Variants in FSTL5 observed in about 807,000 individuals in gnomAD.
FSTL5 encodes the protein follistatin-related protein 5.
Under a neutral mutation model 89.1 loss-of-function variants are expected in FSTL5, and 62 were observed. The ratio of observed to expected loss-of-function variants is 0.70; its 90% CI spans 0.57 to 0.86. The LOEUF (loss-of-function observed/expected upper bound fraction) is 0.86, where lower values mean the gene tolerates loss of function less well. FSTL5 is among the 40% of genes least tolerant of loss of function. FSTL5 has a pLI of 0.00. For missense variants in FSTL5, 1,057 were observed against 1,001.6 expected, an observed-to-expected ratio of 1.06 and a Z score of -0.75; for synonymous variants, 383 against 346.2, an observed-to-expected ratio of 1.11 and a Z score of -1.18.
chr4:161,926,938 T>C (rs558568129), intron 3 of FSTL5, among the ~76,000 whole-genome samples: 2 of 151,982 alleles, frequency 1.3e-5, no homozygotes, highest in South Asian at 4.1e-4. Flanking sequence ...ATAAATAGAT[T>C]GGTAGATACA....
intron 15 of FSTL5, among the ~76,000 whole-genome samples, chr4:161,423,182 T>C (rs1370032683): frequency 1.3e-5 from 2 of 152,228 alleles, no homozygotes; most frequent in Non-Finnish European, 2.9e-5. Context: ...ATTTCCCTCA[T>C]ATGGAAAGTT....
intron 4 of FSTL5, among the ~76,000 whole-genome samples, chr4:161,866,373 A>G (rs1234871853): frequency 2.0e-5 from 3 of 151,754 alleles, no homozygotes; most frequent in Admixed American, 2.0e-4. Flanking sequence ...TAGAACTTGT[A>G]TGCCTGCTGA....
chr4:161,892,489 T>C (rs1733019019), intron 4 of FSTL5, among the ~76,000 whole-genome samples: 1 of 140,000 alleles, frequency 7.1e-6, no homozygotes, highest in Non-Finnish European at 1.6e-5. Flanking sequence ...CAAAGTTCTT[T>C]GCAAAAGACA....
At chr4:161,721,386 T>C (rs182775324) in intron 6 of FSTL5, among the ~76,000 whole-genome samples, 13 of 150,676 alleles carry the variant, frequency 8.6e-5, no homozygotes, top group South Asian at 2.1e-4. Context: ...AATACAAATA[T>C]ATAAATAAAA....
At chr4:162,083,344 C>T (rs1262326556) in intron 2 of FSTL5, among the ~76,000 whole-genome samples, 1 of 151,688 alleles carries the variant, frequency 6.6e-6, no homozygotes, top group African/African-American at 2.4e-5. Context: ...TTACCACATG[C>T]TATGCTCTAA....
chr4:161,548,976 T>C (rs772794270), intron 8 of FSTL5, among the ~76,000 whole-genome samples: 2 of 151,962 alleles, frequency 1.3e-5, no homozygotes, highest in Non-Finnish European at 2.9e-5. Context: ...TCTATTCACA[T>C]TGAAAGCAAA....
intron 11 of FSTL5, among the ~76,000 whole-genome samples, chr4:161,508,836 C>T (rs151285599): frequency 6.6e-6 from 1 of 152,186 alleles, no homozygotes; most frequent in Non-Finnish European, 1.5e-5. Context: ...TCTGGCTTAG[C>T]TTCCAAATTT....
chr4:161,971,230 C>A (rs1735473140), intron 3 of FSTL5, among the ~76,000 whole-genome samples: 1 of 152,070 alleles, frequency 6.6e-6, no homozygotes, highest in African/African-American at 2.4e-5. Flanking sequence ...TCAGTCATCT[C>A]TGATAACGTG....
intron 7 of FSTL5, among the ~76,000 whole-genome samples, chr4:161,640,065 G>A (rs925301925): frequency 6.6e-6 from 1 of 152,074 alleles, no homozygotes; most frequent in African/African-American, 2.4e-5. Context: ...GATGTGCCTA[G>A]GAGAATGCAC....
At chr4:161,794,935 C>G (rs1729589025) in intron 4 of FSTL5, among the ~76,000 whole-genome samples, 1 of 152,046 alleles carries the variant, frequency 6.6e-6, no homozygotes, top group Admixed American at 6.6e-5. Flanking sequence ...ATTGAAGAAA[C>G]TATACCTATG....
intron 4 of FSTL5, among the ~76,000 whole-genome samples, chr4:161,912,115 C>T (rs927252394): frequency 1.3e-5 from 2 of 152,030 alleles, no homozygotes; most frequent in African/African-American, 4.8e-5. Context: ...TGAATGTAAT[C>T]AATGAAAAGG....
At chr4:161,898,679 G>A (rs1027212275) in intron 4 of FSTL5, among the ~76,000 whole-genome samples, 1 of 146,650 alleles carries the variant, frequency 6.8e-6, no homozygotes, top group Non-Finnish European at 1.5e-5. Flanking sequence ...GCCCAGGCTG[G>A]AGTGCAGTGG....
chr4:161,903,142 AT>A (rs560388141), intron 4 of FSTL5, among the ~76,000 whole-genome samples: 9 of 151,696 alleles, frequency 5.9e-5, no homozygotes, highest in Non-Finnish European at 1.2e-4. Flanking sequence ...AAGCTTTAAC[AT>A]TTTTTTTCAT....
intron 1 of FSTL5, among the ~76,000 whole-genome samples, chr4:162,133,092 G>A (rs972588601): frequency 2.0e-5 from 3 of 152,074 alleles, no homozygotes; most frequent in Non-Finnish European, 4.4e-5. Flanking sequence ...GACTACAGGC[G>A]CCCACCGCCA....
chr4:161,817,276 C>T (rs1730352533), intron 4 of FSTL5, among the ~76,000 whole-genome samples: 1 of 152,064 alleles, frequency 6.6e-6, no homozygotes, highest in Non-Finnish European at 1.5e-5. Flanking sequence ...AAGTTAAAGG[C>T]CTAGATCATA....
At chr4:162,116,953 T>C (rs546641074) in intron 1 of FSTL5, among the ~76,000 whole-genome samples, 5 of 152,310 alleles carry the variant, frequency 3.3e-5, no homozygotes, top group African/African-American at 7.2e-5. Flanking sequence ...ATCTTTCTTA[T>C]GTGACTTCAC....
chr4:161,484,797 C>T (rs1239263602), intron 12 of FSTL5, among the ~76,000 whole-genome samples: 6 of 152,084 alleles, frequency 3.9e-5, no homozygotes, highest in South Asian at 2.1e-4. Context: ...TAGGAGAGAA[C>T]GCTTGCTTTC....
intron 3 of FSTL5, among the ~76,000 whole-genome samples, chr4:161,948,160 A>G (rs1258136563): frequency 6.6e-6 from 1 of 151,668 alleles, no homozygotes; most frequent in African/African-American, 2.4e-5. Flanking sequence ...GTGTGCACTT[A>G]TAGTCCCAGC....
chr4:162,105,758 C>G (rs1237097526), intron 2 of FSTL5, among the ~76,000 whole-genome samples: 1 of 152,098 alleles, frequency 6.6e-6, no homozygotes, highest in Non-Finnish European at 1.5e-5. Context: ...TCTTTTAACT[C>G]CTCTGACCGA....
Sources: gnomAD v4.1 joint callset for allele counts (sites outside exome capture counted in the v4.1 genomes callset) on GRCh38, gnomAD v4.1.1 for gene constraint, MANE v1.5 for transcripts, NCBI Gene and HGNC (gene_info 2026-07-23, HGNC 2026-07-21) for gene names.